Variants in NAXD observed in about 807,000 individuals in gnomAD.
NAXD encodes ATP-dependent (S)-NAD(P)H-hydrate dehydratase.
NAXD carries 22 observed loss-of-function variants against 35.8 expected under a neutral mutation model. That is an observed-to-expected ratio of 0.62 (90% confidence interval 0.44 to 0.88). The LOEUF is 0.88. Among genes scored for constraint, NAXD ranks in the 40% least tolerant of loss-of-function variants. The pLI is 0.00. For missense variants in NAXD, 428 were observed against 437.7 expected (o/e 0.98, Z 0.20); for synonymous variants, 189 against 177.6 (o/e 1.06, Z -0.51).
At chr13:110,625,155 G>A (rs750380894) in intron 3 of NAXD, 35 bp from the exon 4 acceptor site, 15 of 1,540,162 alleles carry the variant, frequency 9.7e-6, no homozygotes, top group African/African-American at 6.8e-5. Context: ...ATGCCGGAGC[G>A]ATCCCTGAGT....
chr13:110,636,795 G>A (rs1026419827), intron 8 of NAXD, among the ~76,000 whole-genome samples: 6 of 152,246 alleles, frequency 3.9e-5, no homozygotes, highest in African/African-American at 9.6e-5. Context: ...GGGAGGAGCT[G>A]GAGGCTGGCG....
intron 5 of NAXD, among the ~76,000 whole-genome samples, chr13:110,630,360 T>C (rs899263771): frequency 6.6e-6 from 1 of 152,182 alleles, no homozygotes. Context: ...AAGTGTCTAT[T>C]CATACCCTTT....
intron 7 of NAXD, 54 bp downstream of exon 7, chr13:110,634,830 G>C: frequency 7.4e-7 from 1 of 1,354,258 alleles, no homozygotes; most frequent in Non-Finnish European, 1.0e-6. Flanking sequence ...GTCCTGAAGA[G>C]GGTGAAGGAC....
At chr13:110,634,918 C>G (rs574234608) in intron 7 of NAXD, 142 bp downstream of exon 7, 2 of 674,236 alleles carry the variant, frequency 3.0e-6, no homozygotes, top group African/African-American at 1.8e-5. Flanking sequence ...GCGGATGGCG[C>G]GTCTTCCCAT....
rs1886926317 is a variant in NAXD at position 110,636,390 on chromosome 13, A to G, written c.719-739A>G. ...ACACGCATGCAATTCATACACATGC[A>G]CAGTTGTGCTCACAGCCTCGCACGC... is the stretch of plus-strand genomic sequence containing the variant. On this transcript the variant is annotated intron_variant, in intron 8 of 9. Coordinates refer to ENST00000680254, the MANE Select transcript of NAXD (RefSeq NM_001242882.2). Among the ~76,000 whole-genome samples the G allele has an allele frequency of 2.6e-5, 4 of 152,324 alleles. No homozygotes were observed. The South Asian group carries it at 6.2e-4, about 24-fold the overall frequency.
At chr13:110,616,038 G>GGGGGGCC (rs1246902028) in intron 1 of NAXD, 2 of 375,504 alleles carry the variant, frequency 5.3e-6, no homozygotes, top group Non-Finnish European at 9.4e-6. Flanking sequence ...GCCGGGGAAC[G>GGGGGGCC]GGGGGCCGAG....
At chr13:110,622,821 G>T (rs1301475460) in intron 2 of NAXD, among the ~76,000 whole-genome samples, 1 of 152,164 alleles carries the variant, frequency 6.6e-6, no homozygotes, top group African/African-American at 2.4e-5. Flanking sequence ...TTTGTAAGTT[G>T]TCCTTGGGTG....
intron 8 of NAXD, among the ~76,000 whole-genome samples, chr13:110,636,068 C>T (rs1292739349): frequency 2.0e-5 from 3 of 152,354 alleles, no homozygotes; most frequent in East Asian, 1.9e-4. Flanking sequence ...CTGAGTGTGG[C>T]GAGTCTCAAC....
chr13:110,625,568 G>C (rs749947632), intron 4 of NAXD, among the ~76,000 whole-genome samples: 8 of 152,240 alleles, frequency 5.3e-5, no homozygotes, highest in East Asian at 1.9e-4. Context: ...GTTTGCAGAA[G>C]GTGGAAACGA....
intron 1 of NAXD, among the ~76,000 whole-genome samples, chr13:110,620,622 G>A (rs1457570957): frequency 6.6e-6 from 1 of 151,400 alleles, no homozygotes; most frequent in Admixed American, 6.6e-5. Context: ...GGGATTCATA[G>A]GATCTTTTTA....
chr13:110,620,972 C>G (rs923602948), intron 1 of NAXD, among the ~76,000 whole-genome samples: 1 of 152,212 alleles, frequency 6.6e-6, no homozygotes, highest in African/African-American at 2.4e-5. Flanking sequence ...CATAGCCGAG[C>G]TGTTTTAAAT....
chr13:110,630,503 C>G (rs1482751774), intron 5 of NAXD, among the ~76,000 whole-genome samples: 1 of 152,162 alleles, frequency 6.6e-6, no homozygotes, highest in Non-Finnish European at 1.5e-5. Flanking sequence ...TGTCTTTTCA[C>G]TTCGATGGTT....
chr13:110,628,674 GGTCTTACCCGCTCAC>G lies in NAXD; in HGVS notation c.441+1128_441+1142del, dbSNP rs796664675. 3.2e-4 allele frequency among the ~76,000 whole-genome samples: 49 copies of G among 152,212 alleles called. 2 individuals are homozygous for G. The highest frequency in any genetic ancestry group is 1.1e-3 in the African/African-American group (47 of 41,538). On this transcript the variant is annotated intron_variant, in intron 5 of 9. Coordinates refer to ENST00000680254, the MANE Select transcript of NAXD (RefSeq NM_001242882.2). This position sits in a 1 kb window ranked among gnomAD's most constrained non-coding sequence, Gnocchi z 4.1. ...ACGGGAGCCCGTCTTTGAGCTTTAAGGTCTTACCCGCTCACCGGGAAGGAGGAGGTGGCCATGTTT... is the reference window on the plus strand; with the variant it reads ...ACGGGAGCCCGTCTTTGAGCTTTAAGCGGGAAGGAGGAGGTGGCCATGTTT...
chr13:110,636,771 C>T (rs929986198), intron 8 of NAXD, among the ~76,000 whole-genome samples: 2 of 152,230 alleles, frequency 1.3e-5, no homozygotes, highest in South Asian at 4.1e-4. Context: ...AGGGCTCCGT[C>T]CCTGGGAGCT....
At position 110,621,184 on chromosome 13, in the gene NAXD, G is replaced by T. The variant is rs1473921884; in HGVS notation, c.47-1032G>T. On this transcript the variant is annotated intron_variant, in intron 1 of 9. Coordinates refer to ENST00000680254, the MANE Select transcript of NAXD (RefSeq NM_001242882.2). ...GTTGGAATACAGTTGGGAGTAATAT[G>T]ATGAATCTGTCAGACTTCTGAGCAC... Among the ~76,000 whole-genome samples the T allele has an allele frequency of 1.3e-5, 2 of 152,202 alleles. 1 individual carries two copies. Among genetic ancestry groups the T allele is most frequent in the Non-Finnish European group, 2.9e-5 (2 of 68,050 alleles).
At position 110,623,524 on chromosome 13, in the gene NAXD, G is replaced by A. The variant is rs555366907; in HGVS notation, c.198-710G>A. Reference sequence around the variant, plus strand: ...CTGCTGACTGTGACTCTTGGAGGACGGGGTCTGCCCACTCTGGGACCCTGT... The same window carrying A: ...CTGCTGACTGTGACTCTTGGAGGACAGGGTCTGCCCACTCTGGGACCCTGT... On this transcript the variant is annotated intron_variant, in intron 2 of 9. Transcript: ENST00000680254. Among the ~76,000 whole-genome samples, 11 of 152,324 alleles carry A rather than the reference G, an allele frequency of 7.2e-5. No individual in the cohort carries two copies. In the South Asian group the frequency reaches 8.3e-4, roughly 11 times the overall value.
At chr13:110,637,296 T>C (rs200659241) in intron 9 of NAXD, 47 bp downstream of exon 9, 145 of 1,611,266 alleles carry the variant, frequency 9.0e-5, no homozygotes, top group Non-Finnish European at 1.2e-4. Context: ...GTCTGATTTT[T>C]CTAAGCTGTT....
chr13:110,626,599 G>A (rs1258505748), intron 4 of NAXD, among the ~76,000 whole-genome samples: 2 of 152,046 alleles, frequency 1.3e-5, no homozygotes, highest in East Asian at 3.9e-4. Context: ...TCAGATGCTG[G>A]GAGCACGGGC....
At position 110,628,833 on chromosome 13, in the gene NAXD, G is replaced by A. The variant is rs575476918; in HGVS notation, c.441+1286G>A. Among the ~76,000 whole-genome samples, 1 of 152,320 alleles carries A rather than the reference G, an allele frequency of 6.6e-6. No homozygotes were observed. Among genetic ancestry groups the A allele is most frequent in the African/African-American group, 2.4e-5 (1 of 41,562 alleles). ...TCCTGTCCAGCTCTGCATCCTGGGG[G>A]TGCGGATGAATTAGAGGTGAACGAG... is the stretch of plus-strand genomic sequence containing the variant. On this transcript the variant is annotated intron_variant, in intron 5 of 9. Coordinates refer to ENST00000680254, the MANE Select transcript of NAXD (RefSeq NM_001242882.2). This position sits in a 1 kb window ranked among gnomAD's most constrained non-coding sequence, Gnocchi z 4.1.
Sources: gnomAD v4.1 joint callset for allele counts (sites outside exome capture counted in the v4.1 genomes callset) on GRCh38, gnomAD v4.1.1 for gene constraint, Gnocchi (gnomAD v3.1) non-coding constraint, MANE v1.5 for transcripts, NCBI Gene and HGNC (gene_info 2026-07-23, HGNC 2026-07-21) for gene names.